Variants in TRAPPC9 observed in about 807,000 individuals in gnomAD.
TRAPPC9 encodes the protein IKK2 binding protein.
A neutral mutation model predicts 124.0 loss-of-function variants in TRAPPC9; 83 were observed. That is an observed-to-expected ratio of 0.67 (90% CI 0.56 to 0.80). TRAPPC9 has a LOEUF of 0.80. Ranked by LOEUF, TRAPPC9 falls within the 30% of genes least tolerant of loss-of-function variation. The probability of loss-of-function intolerance (pLI) is 0.00; values close to 1 mark genes in which losing one functional copy is unlikely to be tolerated. For synonymous variants in TRAPPC9, 638 were observed against 617.5 expected (o/e 1.03, Z -0.49); for missense variants, 1,302 against 1,508.3 (o/e 0.86, Z 2.27).
chr8:139,867,820 T>C (rs563913718), intron 21 of TRAPPC9, among the ~76,000 whole-genome samples: 9 of 152,320 alleles, frequency 5.9e-5, no homozygotes, highest in Middle Eastern at 6.8e-3. Context: ...TGAAGGAGAC[T>C]AAATGTATAT....
intron 21 of TRAPPC9, among the ~76,000 whole-genome samples, chr8:139,819,098 G>C (rs559213077): frequency 4.1e-4 from 63 of 152,278 alleles, no homozygotes; most frequent in Non-Finnish European, 8.1e-4. Flanking sequence ...ATTCCTGCCT[G>C]AGCTCTACCT....
Position 139,731,175 on chromosome 8 carries a change from C to T in TRAPPC9, c.3333G>A (p.Thr1111=), listed in dbSNP as rs779285834. 2.8e-5 allele frequency: 45 copies of T among 1,613,738 alleles called. No individual in the cohort carries two copies. The highest frequency in any genetic ancestry group is 3.4e-5 in the Non-Finnish European group (40 of 1,179,982). Residue 1111 remains threonine, a synonymous_variant, in exon 23 of 23, where the codon ACG becomes ACA. Transcript: ENST00000438773. ...ACLGALLFLY[T]GDFFLHIRFH... The stretch of plus-strand genomic sequence containing the variant: ...ACCGGATGTGGAGGAAGAAGTCTCC[C>T]GTGTAGAGGAAGAGGAGGGCCCCGA...
chr8:140,008,223 G>T (rs1838886566), intron 18 of TRAPPC9, among the ~76,000 whole-genome samples: 2 of 152,232 alleles, frequency 1.3e-5, no homozygotes, highest in African/African-American at 2.4e-5. Context: ...TCTATGAATT[G>T]ACTGTGATGG....
intron 17 of TRAPPC9, among the ~76,000 whole-genome samples, chr8:140,061,039 C>T (rs181356599): frequency 2.6e-5 from 4 of 152,302 alleles, no homozygotes; most frequent in East Asian, 3.9e-4. Flanking sequence ...TCCCCACCTC[C>T]GATGATGATT....
chr8:139,856,112 G>C (rs1275043156), intron 21 of TRAPPC9, among the ~76,000 whole-genome samples: 1 of 152,174 alleles, frequency 6.6e-6, no homozygotes, highest in Non-Finnish European at 1.5e-5. Context: ...CACAGCCAGG[G>C]ACACGGAGCA....
intron 21 of TRAPPC9, among the ~76,000 whole-genome samples, chr8:139,783,341 G>A (rs1468207740): frequency 6.6e-6 from 1 of 152,150 alleles, no homozygotes; most frequent in Non-Finnish European, 1.5e-5. Flanking sequence ...CACGATAAAA[G>A]AGATGACATC....
At chr8:140,363,923 A>C (rs2068027948) in intron 8 of TRAPPC9, among the ~76,000 whole-genome samples, 1 of 152,186 alleles carries the variant, frequency 6.6e-6, no homozygotes, top group African/African-American at 2.4e-5. Flanking sequence ...ATGTATTTAC[A>C]AATCATGGGA....
chr8:140,013,116 T>C (rs901671562), intron 18 of TRAPPC9, among the ~76,000 whole-genome samples: 3 of 152,114 alleles, frequency 2.0e-5, no homozygotes, highest in Non-Finnish European at 4.4e-5. Flanking sequence ...GTGTAATGGA[T>C]AATTAATGCT....
At chr8:140,295,906 G>C (rs1043747620) in intron 11 of TRAPPC9, among the ~76,000 whole-genome samples, 5 of 152,154 alleles carry the variant, frequency 3.3e-5, no homozygotes, top group African/African-American at 1.2e-4. Context: ...TGTGCATTTT[G>C]GCTGAAACTT....
chr8:140,371,715 T>C (rs1043896958), intron 7 of TRAPPC9, among the ~76,000 whole-genome samples: 1 of 152,186 alleles, frequency 6.6e-6, no homozygotes, highest in African/African-American at 2.4e-5. Flanking sequence ...TCTTTTCTTT[T>C]TTTTTTGAGA....
chr8:140,036,733 G>C (rs549816009), intron 17 of TRAPPC9, among the ~76,000 whole-genome samples: 1 of 152,356 alleles, frequency 6.6e-6, no homozygotes, highest in South Asian at 2.1e-4. Flanking sequence ...TCTGTCCAGA[G>C]AGAGAGCAGG....
intron 11 of TRAPPC9, among the ~76,000 whole-genome samples, 167 bp downstream of exon 11, chr8:140,300,302 T>C (rs112787026): frequency 1.4e-5 from 2 of 142,406 alleles, no homozygotes; most frequent in African/African-American, 6.1e-5. Flanking sequence ...TATGCATGCA[T>C]GCACACATGC....
intron 15 of TRAPPC9, among the ~76,000 whole-genome samples, chr8:140,274,892 C>T (rs925336452): frequency 1.3e-5 from 2 of 152,220 alleles, no homozygotes; most frequent in Non-Finnish European, 2.9e-5. Flanking sequence ...GTCAAAAGCA[C>T]ATAAAACACC....
chr8:140,310,788 G>T (rs994796718), intron 10 of TRAPPC9, among the ~76,000 whole-genome samples: 1 of 152,116 alleles, frequency 6.6e-6, no homozygotes, highest in African/African-American at 2.4e-5. Context: ...AGAGGAGAGA[G>T]CCTGCCAGGC....
chr8:140,390,290 G>A (rs1302463674), intron 7 of TRAPPC9, among the ~76,000 whole-genome samples: 1 of 152,142 alleles, frequency 6.6e-6, no homozygotes, highest in Non-Finnish European at 1.5e-5. Context: ...AGGGAAGAAA[G>A]TGAGACCCTG....
At chr8:140,051,944 A>G (rs1842029008) in intron 17 of TRAPPC9, among the ~76,000 whole-genome samples, 1 of 152,170 alleles carries the variant, frequency 6.6e-6, no homozygotes, top group African/African-American at 2.4e-5. Context: ...TATGCAGGGT[A>G]ATAGACCCAT....
rs201078436 is a variant in TRAPPC9, at chr8:140,101,540, TG to T, written c.2557-77462del. On this transcript the variant is annotated intron_variant, in intron 17 of 22. Coordinates refer to ENST00000438773, the MANE Select transcript of TRAPPC9 (RefSeq NM_001160372.4). ...TGGTTTTGTAGGGTTTTCTTTTTTT[TG>T]TTTTTTTTTTTTTTTTTTGAGACGT... Among the ~76,000 whole-genome samples the T allele has an allele frequency of 3.9e-3, 523 of 133,224 alleles. 89 individuals carry two copies. Among genetic ancestry groups the T allele is most frequent in the African/African-American group, 9.8e-3 (331 of 33,916 alleles). The allele number at this position is 133,224 out of a possible 152,430, so 87.4% of individuals were successfully genotyped here. A position where few individuals can be genotyped will look rare whatever the true frequency, so the allele number is the denominator to read the frequency against.
chr8:140,188,123 AAGG>A (rs1587883366), intron 17 of TRAPPC9, among the ~76,000 whole-genome samples: 1 of 152,182 alleles, frequency 6.6e-6, no homozygotes, highest in African/African-American at 2.4e-5. Context: ...ATCATGGGAG[AAGG>A]AGAAGCTAAA....
At chr8:139,945,440 A>C in intron 19 of TRAPPC9, among the ~76,000 whole-genome samples, 1 of 151,814 alleles carries the variant, frequency 6.6e-6, no homozygotes, top group East Asian at 1.9e-4. Context: ...GAACTTCAAA[A>C]TACACAAAGC....
Sources: gnomAD v4.1 joint callset for allele counts (sites outside exome capture counted in the v4.1 genomes callset) on GRCh38, gnomAD v4.1.1 for gene constraint, MANE v1.5 for transcripts, NCBI Gene and HGNC (gene_info 2026-07-23, HGNC 2026-07-21) for gene names.